The following DOCK6 variants were observed in gnomAD, a reference collection of about 807,000 sequenced individuals.
DOCK6 encodes the protein dedicator of cytokinesis protein 6.
DOCK6 carries 167 observed loss-of-function variants against 230.3 expected under a neutral mutation model. The observed-to-expected ratio is 0.73, with a 90% CI of 0.64 to 0.82. DOCK6 has a LOEUF of 0.82. DOCK6 is among the 40% of genes least tolerant of loss of function. DOCK6 has a pLI of 0.00. For synonymous variants in DOCK6, 1,148 were observed against 1,185.0 expected (o/e 0.97, Z 0.64); for missense variants, 2,598 against 2,825.8 (o/e 0.92, Z 1.83).
intron 23 of DOCK6, 72 bp from the exon 24 acceptor site, chr19:11,227,549 G>A (rs975859479): frequency 2.2e-4 from 325 of 1,507,696 alleles, no homozygotes; most frequent in Non-Finnish European, 6.2e-5. Context: ...GCTGTGGGTG[G>A]GGCTTGAAGG....
At chr19:11,207,341 C>G (rs974593202) in intron 39 of DOCK6, among the ~76,000 whole-genome samples, 1 of 152,028 alleles carries the variant, frequency 6.6e-6, no homozygotes, top group African/African-American at 2.4e-5. Flanking sequence ...ACTACAGGTG[C>G]ATGCCACCAC....
rs757706741 is a variant in DOCK6, at chr19:11,200,369, G to A, written c.6040C>T (p.Leu2014=). ...ERNYCRLREA[L]QPLLTQRLPQ... ...AGGCGCTGGGTAAGCAGGGGCTGCA[G>A]AGCCTCCCGCAGGCGGCAGTAGTTG... The change falls in exon 47 of 48, where the codon CTG becomes TTG. Residue 2014 remains leucine, a synonymous_variant. Transcript: ENST00000294618. The surrounding 1 kb of genome is among the most constrained non-coding windows in gnomAD (Gnocchi z 4.3). 6 of 1,593,684 alleles carry A rather than the reference G, an allele frequency of 3.8e-6. No individual in the cohort carries two copies. Among genetic ancestry groups the A allele is most frequent in the Non-Finnish European group, 5.1e-6 (6 of 1,170,438 alleles).
chr19:11,237,008 G>T, intron 18 of DOCK6, 129 bp from the exon 19 acceptor site: 1 of 907,356 alleles, frequency 1.1e-6, no homozygotes, highest in Non-Finnish European at 1.6e-6. Flanking sequence ...CAAGCACCCT[G>T]CCCCCAGCCC....
At chr19:11,213,109 G>A (rs368916179) in intron 35 of DOCK6, 67 bp downstream of exon 35, 3 of 1,558,472 alleles carry the variant, frequency 1.9e-6, no homozygotes, top group Admixed American at 1.7e-5. Context: ...CTCCCTGTAT[G>A]GTTGAGACCC....
rs778590408 is a variant in DOCK6 at position 11,223,082 on chromosome 19, T to C, written c.2980A>G (p.Asn994Asp). 6.2e-7 allele frequency: 1 copy of C among 1,613,574 alleles called. No individual in the cohort carries two copies. Among genetic ancestry groups the C allele is most frequent in the Admixed American group, 1.7e-5 (1 of 60,008 alleles). ...CTGAGGAAGAAAGCCAGGCTGGCGT[T>C]GAGGTGCTCGGCCAGCTCCACATCC... ...HKDVELAEHLNASLAFFLSDL... is the reference protein window; with the variant it reads ...HKDVELAEHLDASLAFFLSDL... The change falls in exon 25 of 48, where the codon AAC (asparagine) becomes GAC (aspartate). Residue 994 changes from asparagine (N) to aspartate (D), a missense_variant. Transcript: ENST00000294618.
rs770620759 is a variant in DOCK6, at chr19:11,215,367, A to C, written c.4106+20T>G. ...CCAAACTGTTCTGAACTCAGCAGAC[A>C]CCCTCCTGCCCACACCTACTTGTCC... On this transcript the variant is annotated intron_variant, in intron 32 of 47. Coordinates refer to ENST00000294618, the MANE Select transcript of DOCK6 (RefSeq NM_020812.4). 5.0e-6 allele frequency: 8 copies of C among 1,609,534 alleles called. No individual in the cohort carries two copies. The African/African-American group carries it at 1.1e-4, about 22-fold the overall frequency.
At chr19:11,219,423 T>C (rs1157272551) in intron 28 of DOCK6, among the ~76,000 whole-genome samples, 3 of 145,940 alleles carry the variant, frequency 2.1e-5, no homozygotes, top group Non-Finnish European at 3.0e-5. Flanking sequence ...CTCCTGACCT[T>C]GTGATCCGCC....
At chr19:11,209,866 T>C (rs2079339888) in intron 37 of DOCK6, among the ~76,000 whole-genome samples, 1 of 88,416 alleles carries the variant, frequency 1.1e-5, no homozygotes. Flanking sequence ...CCTTCACCTG[T>C]CTATCCCCTC....
intron 1 of DOCK6, among the ~76,000 whole-genome samples, chr19:11,259,556 CTTTTTTT>C (rs756965986): frequency 3.9e-5 from 4 of 103,644 alleles, no homozygotes; most frequent in African/African-American, 7.0e-5. Flanking sequence ...TATTTCTTTT[CTTTTTTT>C]TTTTTTTTTT....
In DOCK6 at chr19:11,238,309, G is replaced by C. The variant is rs201242151; in HGVS notation, c.1644-5C>G. Reference sequence around the variant, plus strand: ...GGGTACACGTACAGCAGGTTCCTGTGGGGGGCAGGATGGGGGTGTCAGAGG... The same window carrying C: ...GGGTACACGTACAGCAGGTTCCTGTCGGGGGCAGGATGGGGGTGTCAGAGG... On this transcript the variant is annotated splice_polypyrimidine_tract_variant and splice_region_variant and intron_variant, in intron 14 of 47. Coordinates refer to ENST00000294618, the MANE Select transcript of DOCK6 (RefSeq NM_020812.4). The C allele has an allele frequency of 1.4e-4, 226 of 1,599,494 alleles. 2 individuals are homozygous for C. The East Asian group carries it at 2.8e-3, about 20-fold the overall frequency.
At chr19:11,230,577 T>C (rs901626402) in intron 22 of DOCK6, among the ~76,000 whole-genome samples, 4 of 81,920 alleles carry the variant, frequency 4.9e-5, no homozygotes, top group African/African-American at 2.0e-4. Context: ...GTAGACGAGG[T>C]GTAGAGTGTG....
chr19:11,244,984 G>A (rs937376652), intron 9 of DOCK6, among the ~76,000 whole-genome samples: 2 of 152,140 alleles, frequency 1.3e-5, no homozygotes, highest in Admixed American at 6.5e-5. Context: ...TGACCACTCA[G>A]GGGCTGTGGG....
chr19:11,222,395 TG>T lies in DOCK6; in HGVS notation c.3241-148del, dbSNP rs2079594860. On this transcript the variant is annotated intron_variant, in intron 26 of 47. Coordinates refer to ENST00000294618, the MANE Select transcript of DOCK6 (RefSeq NM_020812.4). This position sits in a 1 kb window ranked among gnomAD's most constrained non-coding sequence, Gnocchi z 4.0. ...ATGTTAAGTCATCTGGAGGTGACAG[TG>T]GGCATGGGTTTCAAGGCCAGAAGTG... 8.5e-7 allele frequency: 1 copy of T among 1,170,316 alleles called. No homozygotes were observed. The highest frequency in any genetic ancestry group is 1.5e-5 in the African/African-American group (1 of 64,862). The allele number at this position is 1,170,316 out of a possible 1,614,324, so 72.5% of individuals were successfully genotyped here.
intron 35 of DOCK6, 80 bp from the exon 36 acceptor site, chr19:11,212,231 C>CA (rs2079400421): frequency 6.7e-7 from 1 of 1,499,980 alleles, no homozygotes; most frequent in Non-Finnish European, 9.0e-7. Context: ...AACCTGCCGA[C>CA]ATGGCCCTTG....
intron 30 of DOCK6, chr19:11,216,275 A>G: frequency 1.0e-5 from 2 of 193,526 alleles, no homozygotes; most frequent in Non-Finnish European, 2.1e-5. Flanking sequence ...TTTCGTAGAG[A>G]TGGGGTTTTA....
chr19:11,241,945 C>A, intron 14 of DOCK6, 100 bp downstream of exon 14: 1 of 1,436,934 alleles, frequency 7.0e-7, no homozygotes, highest in Non-Finnish European at 9.4e-7. Context: ...GGCATCTCAC[C>A]CAGGGTGTCT....
chr19:11,230,353 C>T (rs1865063), intron 22 of DOCK6, among the ~76,000 whole-genome samples: 24,376 of 151,770 alleles, frequency 0.16, 2,734 homozygotes, highest in African/African-American at 0.3. Flanking sequence ...AAAAAAAGAA[C>T]GTGATGGAGG....
In DOCK6 at chr19:11,252,753, C is replaced by T. The variant is rs762534516; in HGVS notation, c.308+30G>A. On this transcript the variant is annotated intron_variant, in intron 3 of 47. Coordinates refer to ENST00000294618, the MANE Select transcript of DOCK6 (RefSeq NM_020812.4). ...GGTTGGCAGAGACAGAGTGGAATCA[C>T]AGGCAGAGAGGGCGTGGGGCTGAAC... 8 of 1,597,162 alleles carry T rather than the reference C, an allele frequency of 5.0e-6. No homozygotes were observed. The African/African-American group carries it at 9.4e-5, about 19-fold the overall frequency.
rs1359692297 is a variant in DOCK6 at position 11,251,070 on chromosome 19, C to T, written c.524G>A (p.Gly175Asp). 5.0e-6 allele frequency: 8 copies of T among 1,611,682 alleles called. No individual in the cohort carries two copies. Among genetic ancestry groups the T allele is most frequent in the Non-Finnish European group, 5.9e-6 (7 of 1,179,120 alleles). Residue 175 changes from glycine (G) to aspartate (D), a missense_variant, in exon 6 of 48, where the codon GGC becomes GAC. Physicochemically the swap from Gly to Asp is moderately conservative, Grantham distance 94. Transcript: ENST00000294618. The part of the protein sequence containing the change: ...GPEDSNDSRR[G>D]SGSPEDTPRS... Reference sequence around the variant, plus strand: ...AGGGGTGTCTTCCGGGGAGCCCGAGCCACGCCGGGAGTCATTCTGCCAGTG... The same window carrying T: ...AGGGGTGTCTTCCGGGGAGCCCGAGTCACGCCGGGAGTCATTCTGCCAGTG...
Sources: gnomAD v4.1 joint callset for allele counts (sites outside exome capture counted in the v4.1 genomes callset) on GRCh38, gnomAD v4.1.1 for gene constraint, Gnocchi (gnomAD v3.1) non-coding constraint, MANE v1.5 for transcripts, NCBI Gene and HGNC (gene_info 2026-07-23, HGNC 2026-07-21) for gene names.